The following PKNOX2 variants were observed in gnomAD, a reference collection of about 807,000 sequenced individuals.
PKNOX2 encodes the protein PBX/knotted 1 homeobox 2, also known as homeobox protein PKNOX2.
In PKNOX2, 14 loss-of-function variants were observed where a neutral mutation model predicts 53.1. The observed-to-expected ratio is 0.26, with a 90% confidence interval of 0.17 to 0.41. The LOEUF is 0.41. Ranked by LOEUF, PKNOX2 falls within the 10% of genes least tolerant of loss-of-function variation. PKNOX2 has a pLI of 1.00. For missense variants in PKNOX2, 496 were observed against 602.8 expected (o/e 0.82, Z 1.85); for synonymous variants, 257 against 242.8 (o/e 1.06, Z -0.54).
At chr11:125,269,810 C>T (rs574888872) in intron 2 of PKNOX2, among the ~76,000 whole-genome samples, 3 of 152,270 alleles carry the variant, frequency 2.0e-5, no homozygotes, top group Non-Finnish European at 4.4e-5. Flanking sequence ...TACATCCTCA[C>T]GGGGTCGGGG....
intron 10 of PKNOX2, among the ~76,000 whole-genome samples, chr11:125,417,621 T>C (rs1435361524): frequency 1.3e-5 from 2 of 152,022 alleles, no homozygotes; most frequent in Non-Finnish European, 1.5e-5. Flanking sequence ...TCTAATCTCT[T>C]ACCCACCACT....
Position 125,343,462 on chromosome 11 carries a change from T to C in PKNOX2, c.-22-7822T>C, listed in dbSNP as rs557946827. Among the ~76,000 whole-genome samples the C allele has an allele frequency of 1.8e-3, 267 of 152,162 alleles. 2 individuals carry two copies. The highest frequency in any genetic ancestry group is 6.1e-3 in the African/African-American group (252 of 41,502). On this transcript the variant is annotated intron_variant, in intron 3 of 12. Transcript: ENST00000298282. ...AAAAATTGCCAAGTTGTAAAGTGCT[T>C]AAAGAGGAGATGAGAATCTTCATCA...
At chr11:125,285,739 T>C (rs1946856665) in intron 2 of PKNOX2, among the ~76,000 whole-genome samples, 1 of 152,228 alleles carries the variant, frequency 6.6e-6, no homozygotes, top group Non-Finnish European at 1.5e-5. Flanking sequence ...AGCCAATGGT[T>C]AAACACAGCC....
intron 1 of PKNOX2, chr11:125,191,318 G>A (rs1166009866): frequency 6.6e-6 from 1 of 152,192 alleles, no homozygotes; most frequent in Non-Finnish European, 1.5e-5. Flanking sequence ...CTGCCTGTGT[G>A]TTGATTTTAT....
At chr11:125,197,770 C>G (rs981352294) in intron 1 of PKNOX2, among the ~76,000 whole-genome samples, 7 of 152,188 alleles carry the variant, frequency 4.6e-5, no homozygotes, top group African/African-American at 1.2e-4. Context: ...CTGGCTACGG[C>G]TGCCGGTGCA....
intron 10 of PKNOX2, among the ~76,000 whole-genome samples, chr11:125,421,164 T>A (rs369129781): frequency 6.6e-6 from 1 of 152,184 alleles, no homozygotes; most frequent in African/African-American, 2.4e-5. Context: ...AAATAAATGA[T>A]AGACATAAGC....
At chr11:125,170,758 G>A (rs1955239729) in intron 1 of PKNOX2, among the ~76,000 whole-genome samples, 1 of 151,910 alleles carries the variant, frequency 6.6e-6, no homozygotes, top group Non-Finnish European at 1.5e-5. Context: ...AAGCAATGAA[G>A]ATTAGATTAA....
intron 2 of PKNOX2, among the ~76,000 whole-genome samples, chr11:125,325,315 A>G (rs1424866053): frequency 6.6e-6 from 1 of 152,192 alleles, no homozygotes; most frequent in African/African-American, 2.4e-5. Context: ...TGAGGAATAC[A>G]GAGTCCCTGC....
chr11:125,227,950 C>G (rs887880225), intron 1 of PKNOX2, among the ~76,000 whole-genome samples: 4 of 152,172 alleles, frequency 2.6e-5, no homozygotes, highest in Middle Eastern at 3.2e-3. Flanking sequence ...TTGAAAGGCT[C>G]AGGAGGCCCC....
chr11:125,276,126 A>G (rs1309651353), intron 2 of PKNOX2, among the ~76,000 whole-genome samples: 3 of 152,226 alleles, frequency 2.0e-5, no homozygotes, highest in South Asian at 2.1e-4. Context: ...GCTGCTGGGA[A>G]GTCAAAATGA....
At chr11:125,320,390 C>T (rs1289678606) in intron 2 of PKNOX2, among the ~76,000 whole-genome samples, 1 of 152,026 alleles carries the variant, frequency 6.6e-6, no homozygotes, top group East Asian at 1.9e-4. Flanking sequence ...ATCGGTGAGA[C>T]CAGATGTCAG....
chr11:125,399,968 T>C (rs1057335338), intron 7 of PKNOX2, among the ~76,000 whole-genome samples: 4 of 152,230 alleles, frequency 2.6e-5, no homozygotes, highest in African/African-American at 9.6e-5. Context: ...TCAGAGATGC[T>C]GCCACCTGCA....
chr11:125,276,673 G>A (rs767309065), intron 2 of PKNOX2, among the ~76,000 whole-genome samples: 35 of 152,160 alleles, frequency 2.3e-4, no homozygotes, highest in Admixed American at 3.9e-4. Flanking sequence ...AGTGGGGTGG[G>A]GAGGGAGTGT....
chr11:125,234,244 C>T (rs1320867528), intron 1 of PKNOX2, among the ~76,000 whole-genome samples: 2 of 152,232 alleles, frequency 1.3e-5, no homozygotes, highest in Non-Finnish European at 2.9e-5. Context: ...CACTTTAGCA[C>T]AACTTCGTAT....
At chr11:125,203,058 C>T (rs931969095) in intron 1 of PKNOX2, among the ~76,000 whole-genome samples, 3 of 152,082 alleles carry the variant, frequency 2.0e-5, no homozygotes, top group Admixed American at 6.5e-5. Context: ...TGGTGCTAGG[C>T]CTTCTGACTA....
intron 3 of PKNOX2, among the ~76,000 whole-genome samples, chr11:125,339,795 C>G (rs768971189): frequency 2.1e-4 from 32 of 152,262 alleles, no homozygotes; most frequent in Non-Finnish European, 2.9e-4. Flanking sequence ...TGCTCCCAGA[C>G]AGCTACGACA....
At chr11:125,341,127 C>T (rs556916860) in intron 3 of PKNOX2, among the ~76,000 whole-genome samples, 99 of 150,074 alleles carry the variant, frequency 6.6e-4, no homozygotes, top group Non-Finnish European at 1.2e-3. Context: ...TTTGGAAGGC[C>T]GAGGCAGGCA....
intron 1 of PKNOX2, among the ~76,000 whole-genome samples, chr11:125,178,059 T>C (rs562363086): frequency 1.3e-5 from 2 of 152,294 alleles, no homozygotes; most frequent in South Asian, 4.1e-4. Flanking sequence ...TTTAGAAGCA[T>C]AGAATCTTCA....
At chr11:125,364,062 C>T (rs1378081757) in intron 4 of PKNOX2, among the ~76,000 whole-genome samples, 1 of 152,224 alleles carries the variant, frequency 6.6e-6, no homozygotes, top group African/African-American at 2.4e-5. Flanking sequence ...TGGTCCACAC[C>T]TGAGCCTACT....
Sources: gnomAD v4.1 joint callset for allele counts (sites outside exome capture counted in the v4.1 genomes callset) on GRCh38, gnomAD v4.1.1 for gene constraint, MANE v1.5 for transcripts, NCBI Gene and HGNC (gene_info 2026-07-23, HGNC 2026-07-21) for gene names.